Variants in SGCD observed in about 807,000 individuals in gnomAD.
SGCD encodes the protein sarcoglycan delta, also known as delta-sarcoglycan.
SGCD carries 18 observed loss-of-function variants against 36.6 expected under a neutral mutation model. The observed-to-expected ratio is 0.49, with a 90% CI of 0.34 to 0.73. The LOEUF (loss-of-function observed/expected upper bound fraction) is 0.73. Among genes scored for constraint, SGCD ranks in the 30% least tolerant of loss-of-function variants. The probability of loss-of-function intolerance (pLI) is 0.01; values close to 1 mark genes in which losing one functional copy is unlikely to be tolerated. For synonymous variants in SGCD, 133 were observed against 130.6 expected, an observed-to-expected ratio of 1.02 and a Z score of -0.12; for missense variants, 387 against 346.7, an observed-to-expected ratio of 1.12 and a Z score of -0.92.
intron 3 of SGCD, among the ~76,000 whole-genome samples, chr5:156,391,904 G>C (rs1241408527): frequency 6.6e-6 from 1 of 152,216 alleles, no homozygotes; most frequent in Non-Finnish European, 1.5e-5. Flanking sequence ...ATGTTGCTGT[G>C]ATTTCATGAG....
intron 1 of SGCD, among the ~76,000 whole-genome samples, chr5:156,050,042 G>T (rs1759876225): frequency 6.8e-6 from 1 of 146,972 alleles, no homozygotes; most frequent in African/African-American, 2.4e-5. Flanking sequence ...GGCAACAAAG[G>T]ATTTGAATAT....
At position 156,423,404 on chromosome 5, in the gene SGCD, TA is replaced by T. The variant is rs1561686014; in HGVS notation, c.192+78729del. Among the ~76,000 whole-genome samples, 45 of 119,946 alleles carry T rather than the reference TA, an allele frequency of 3.8e-4. 2 individuals are homozygous for T. The highest frequency in any genetic ancestry group is 1.3e-3 in the African/African-American group (41 of 31,014). 78.7% of individuals were successfully genotyped at this position (119,946 alleles called of 152,430 possible). ...TAATATAATATATTATATTTTATTATAATATAATATATTATATTTTAATAAA... is the reference window on the plus strand; with the variant it reads ...TAATATAATATATTATATTTTATTATATATAATATATTATATTTTAATAAA... On this transcript the variant is annotated intron_variant, in intron 3 of 8. Transcript: ENST00000337851.
chr5:155,737,609 A>G, the SGCD span, among the ~76,000 whole-genome samples: 4 of 152,194 alleles, frequency 2.6e-5, no homozygotes, highest in Non-Finnish European at 5.9e-5. Flanking sequence ...TGGAGAAAGT[A>G]AGGATTGGGA....
upstream of SGCD, among the ~76,000 whole-genome samples, chr5:156,325,353 T>G (rs1767779156): frequency 7.6e-6 from 1 of 132,346 alleles, no homozygotes; most frequent in Non-Finnish European, 1.7e-5. Flanking sequence ...AAGGTTTGCA[T>G]TTTGCTCCAT....
chr5:156,197,993 C>G (rs1318985278), intron 3 of SGCD, among the ~76,000 whole-genome samples: 1 of 152,056 alleles, frequency 6.6e-6, no homozygotes, highest in East Asian at 1.9e-4. Flanking sequence ...TATGTTGGCT[C>G]TCACTTCTTA....
At chr5:155,782,708 G>A in the SGCD span, among the ~76,000 whole-genome samples, 2 of 152,140 alleles carry the variant, frequency 1.3e-5, no homozygotes, top group African/African-American at 4.8e-5. Context: ...CCTGAGCTCT[G>A]CCTCTTGTCA....
intron 6 of SGCD, among the ~76,000 whole-genome samples, chr5:156,611,658 G>C (rs1039364991): frequency 6.6e-6 from 1 of 152,110 alleles, no homozygotes; most frequent in Admixed American, 6.5e-5. Flanking sequence ...CTATTATTTT[G>C]TTAAATTAGT....
intron 3 of SGCD, among the ~76,000 whole-genome samples, chr5:156,144,365 G>C (rs906396758): frequency 9.2e-5 from 14 of 152,230 alleles, no homozygotes; most frequent in Admixed American, 3.3e-4. Flanking sequence ...CAGTGTAAAA[G>C]TGTTCCTATT....
intron 1 of SGCD, among the ~76,000 whole-genome samples, chr5:156,327,751 A>G (rs983814967): frequency 6.6e-5 from 10 of 152,296 alleles, no homozygotes; most frequent in Admixed American, 6.5e-4. Context: ...CGAAACAGAT[A>G]TGTGTGTATG....
intron 7 of SGCD, among the ~76,000 whole-genome samples, chr5:156,675,413 A>G (rs1279409283): frequency 2.0e-5 from 3 of 152,186 alleles, no homozygotes; most frequent in Non-Finnish European, 4.4e-5. Flanking sequence ...CTTATAGATA[A>G]TGGTCAGCAA....
intron 1 of SGCD, among the ~76,000 whole-genome samples, chr5:156,041,850 A>C (rs1759643947): frequency 6.6e-6 from 1 of 152,234 alleles, no homozygotes; most frequent in African/African-American, 2.4e-5. Flanking sequence ...TGTGGATTAC[A>C]CAACTTCACA....
At chr5:156,346,333 T>C (rs1487104910) in intron 3 of SGCD, among the ~76,000 whole-genome samples, 3 of 152,178 alleles carry the variant, frequency 2.0e-5, no homozygotes, top group Non-Finnish European at 4.4e-5. Context: ...GGGTCTCACT[T>C]TTTCACAGAC....
intron 3 of SGCD, among the ~76,000 whole-genome samples, chr5:156,137,008 G>T (rs933916162): frequency 2.0e-5 from 3 of 150,728 alleles, no homozygotes; most frequent in Non-Finnish European, 3.0e-5. Context: ...AGGGAGGAAA[G>T]GAGCAAAAGT....
chr5:156,701,314 C>G (rs1465119996), intron 7 of SGCD, among the ~76,000 whole-genome samples: 32 of 152,182 alleles, frequency 2.1e-4, no homozygotes, highest in Admixed American at 2.0e-3. Context: ...ATATTCTTTT[C>G]ATGCTTTACA....
intron 3 of SGCD, among the ~76,000 whole-genome samples, chr5:156,484,620 A>G (rs1403332836): frequency 6.6e-6 from 1 of 152,142 alleles, no homozygotes; most frequent in Non-Finnish European, 1.5e-5. Context: ...TCTTATCCGG[A>G]TACTCGGAAA....
At chr5:156,649,886 G>A (rs1465293999) in intron 7 of SGCD, among the ~76,000 whole-genome samples, 1 of 151,970 alleles carries the variant, frequency 6.6e-6, no homozygotes, top group Non-Finnish European at 1.5e-5. Flanking sequence ...TAAAAAGCAG[G>A]ACTCTAAATA....
chr5:156,339,886 C>T (rs555501403), intron 2 of SGCD, among the ~76,000 whole-genome samples: 3 of 152,296 alleles, frequency 2.0e-5, no homozygotes, highest in South Asian at 4.1e-4. Context: ...AACTGCCTCA[C>T]ATACATTTTC....
chr5:156,100,897 C>A (rs1761502402), intron 1 of SGCD, among the ~76,000 whole-genome samples: 3 of 152,212 alleles, frequency 2.0e-5, no homozygotes, highest in South Asian at 4.2e-4. Context: ...TGCTTGTGTG[C>A]CCTCCCCACA....
intron 3 of SGCD, among the ~76,000 whole-genome samples, chr5:156,161,599 C>G (rs541357776): frequency 6.6e-6 from 1 of 151,964 alleles, no homozygotes; most frequent in Admixed American, 6.5e-5. Context: ...ATGTTGGACA[C>G]CTAAACCCAT....
Sources: gnomAD v4.1 joint callset for allele counts (sites outside exome capture counted in the v4.1 genomes callset) on GRCh38, gnomAD v4.1.1 for gene constraint, MANE v1.5 for transcripts, NCBI Gene and HGNC (gene_info 2026-07-23, HGNC 2026-07-21) for gene names.